The following DENND1A variants were observed in gnomAD, a reference collection of about 807,000 sequenced individuals.
The protein encoded by DENND1A is DENN domain containing 1A.
Under a neutral mutation model 113.7 loss-of-function variants are expected in DENND1A, and 51 were observed. The ratio of observed to expected loss-of-function variants is 0.45; its 90% CI spans 0.36 to 0.57. DENND1A has a LOEUF of 0.57. DENND1A is among the 20% of genes least tolerant of loss of function. The pLI, the probability that DENND1A is intolerant of heterozygous loss-of-function variation, is 0.00. For synonymous variants in DENND1A, 565 were observed against 570.8 expected (o/e 0.99, Z 0.14); for missense variants, 1,258 against 1,395.9 (o/e 0.90, Z 1.57).
At position 123,381,543 on chromosome 9, in the gene DENND1A, G is replaced by T. The variant is rs766859439; in HGVS notation, c.3102C>A (p.Pro1034=). The T allele has an allele frequency of 6.2e-7, 1 of 1,613,790 alleles. No homozygotes were observed. Among genetic ancestry groups the T allele is most frequent in the Non-Finnish European group, 8.5e-7 (1 of 1,179,982 alleles). Residue 1034 remains proline, a synonymous_variant, in exon 24 of 24, where the codon CCC becomes CCA. Coordinates refer to ENST00000394215, the MANE Select transcript of DENND1A (RefSeq NM_001352964.2). This position sits in a 1 kb window ranked among gnomAD's most constrained non-coding sequence, Gnocchi z 4.7. ...QPSAPQQARD[P]FEDLLQKTKQ... ...TGGTTTTCTGTAACAAATCCTCAAAGGGGTCTCTGGCCTGTTGAGGAGCAG... is the reference window on the plus strand; with the variant it reads ...TGGTTTTCTGTAACAAATCCTCAAATGGGTCTCTGGCCTGTTGAGGAGCAG...
chr9:123,631,221 C>T (rs1276882652), intron 9 of DENND1A, among the ~76,000 whole-genome samples: 1 of 152,160 alleles, frequency 6.6e-6, no homozygotes, highest in African/African-American at 2.4e-5. Context: ...GGCCTCCCTG[C>T]CCCTCACCAG....
At chr9:123,383,568 A>T in intron 23 of DENND1A, 87 bp downstream of exon 23, 1 of 1,529,192 alleles carries the variant, frequency 6.5e-7, no homozygotes, top group Non-Finnish European at 8.8e-7. Context: ...TTTCTCCCTT[A>T]GTCTCTTCCA....
chr9:123,623,448 G>A (rs2061049147), intron 10 of DENND1A, among the ~76,000 whole-genome samples: 1 of 152,088 alleles, frequency 6.6e-6, no homozygotes, highest in African/African-American at 2.4e-5. Flanking sequence ...ATTTTTAATG[G>A]TTACATAGTT....
At chr9:123,513,155 C>T (rs1435976928) in intron 13 of DENND1A, among the ~76,000 whole-genome samples, 1 of 152,166 alleles carries the variant, frequency 6.6e-6, no homozygotes, top group Non-Finnish European at 1.5e-5. Context: ...ATGGCCTGAC[C>T]TCTGGGTGGA....
At chr9:123,549,229 G>A (rs533499577) in intron 13 of DENND1A, among the ~76,000 whole-genome samples, 57 of 152,184 alleles carry the variant, frequency 3.7e-4, no homozygotes, top group African/African-American at 1.0e-3. Flanking sequence ...CCTTCCAGGC[G>A]TCATGCAGTT....
At chr9:123,521,686 GA>G (rs2054407086) in intron 13 of DENND1A, among the ~76,000 whole-genome samples, 2 of 152,304 alleles carry the variant, frequency 1.3e-5, no homozygotes, top group Admixed American at 1.3e-4. Flanking sequence ...CTTCCTAGAG[GA>G]AGTGTGGCCC....
chr9:123,418,812 C>A (rs184226792), intron 19 of DENND1A, among the ~76,000 whole-genome samples: 1 of 152,328 alleles, frequency 6.6e-6, no homozygotes, highest in Admixed American at 6.5e-5. Flanking sequence ...TTGCCCAGAG[C>A]AAGTGCGTAA....
At chr9:123,391,252 A>G (rs1227759723) in intron 21 of DENND1A, among the ~76,000 whole-genome samples, 1 of 152,224 alleles carries the variant, frequency 6.6e-6, no homozygotes, top group African/African-American at 2.4e-5. Context: ...TGTCTCCAGA[A>G]TACACCACCT....
intron 17 of DENND1A, 121 bp downstream of exon 17, chr9:123,452,155 C>T (rs1283327247): frequency 1.1e-5 from 10 of 885,638 alleles, no homozygotes; most frequent in East Asian, 5.2e-5. Context: ...GATTGCACCA[C>T]TGCACTCCAG....
rs78308735 is a variant in DENND1A, at chr9:123,874,074, G to A, written c.88+4877C>T. Among the ~76,000 whole-genome samples the A allele has an allele frequency of 1.4e-4, 22 of 152,162 alleles. No homozygotes were observed. In the East Asian group the frequency reaches 3.5e-3, roughly 24 times the overall value. On this transcript the variant is annotated intron_variant, in intron 2 of 23. Coordinates refer to ENST00000394215, the MANE Select transcript of DENND1A (RefSeq NM_001352964.2). Reference sequence around the variant, plus strand: ...CCCTTAAAAGAAAATATTGGGCCTGGAGAGGTGGCTCACATCCATAATCCC... The same window carrying A: ...CCCTTAAAAGAAAATATTGGGCCTGAAGAGGTGGCTCACATCCATAATCCC...
intron 8 of DENND1A, among the ~76,000 whole-genome samples, chr9:123,666,657 GATAGTTGACAAAA>G (rs2063505967): frequency 6.6e-6 from 1 of 152,080 alleles, no homozygotes; most frequent in Middle Eastern, 3.2e-3. Context: ...TGGAATATTA[GATAGTTGACAAAA>G]ATAAGTCATA....
intron 13 of DENND1A, among the ~76,000 whole-genome samples, chr9:123,489,851 G>A (rs1203297255): frequency 6.6e-6 from 1 of 152,204 alleles, no homozygotes; most frequent in Non-Finnish European, 1.5e-5. Context: ...GTTAGTAGCT[G>A]TTGTCAACAC....
At chr9:123,852,897 TTTTC>T (rs1449145694) in intron 2 of DENND1A, among the ~76,000 whole-genome samples, 2 of 151,776 alleles carry the variant, frequency 1.3e-5, no homozygotes, top group African/African-American at 4.8e-5. Context: ...TTTAAATTGT[TTTTC>T]TTTCTTTTTT....
chr9:123,395,185 G>C (rs181276172), intron 21 of DENND1A, among the ~76,000 whole-genome samples: 77 of 152,298 alleles, frequency 5.1e-4, no homozygotes, highest in African/African-American at 1.5e-3. Flanking sequence ...ATGTCTTGAG[G>C]ATGAGGCCCC....
intron 18 of DENND1A, among the ~76,000 whole-genome samples, chr9:123,441,079 G>A (rs912803472): frequency 2.6e-5 from 4 of 151,644 alleles, no homozygotes; most frequent in African/African-American, 9.7e-5. Flanking sequence ...CTCTTTTTAT[G>A]GAAATCCCCA....
intron 13 of DENND1A, among the ~76,000 whole-genome samples, chr9:123,463,835 G>A (rs1179898578): frequency 6.7e-6 from 1 of 149,544 alleles, no homozygotes; most frequent in Non-Finnish European, 1.5e-5. Flanking sequence ...CTTGAACTCG[G>A]GAGGCAGAGG....
At chr9:123,892,244 G>A (rs894939384) in intron 1 of DENND1A, among the ~76,000 whole-genome samples, 3 of 152,180 alleles carry the variant, frequency 2.0e-5, no homozygotes, top group African/African-American at 4.8e-5. Context: ...CCCCCCAGCC[G>A]AAGTGGAAAA....
chr9:123,926,114 A>C (rs1167603750), intron 1 of DENND1A, among the ~76,000 whole-genome samples: 1 of 152,204 alleles, frequency 6.6e-6, no homozygotes, highest in African/African-American at 2.4e-5. Context: ...ATACCTGTTG[A>C]AGATTGTCAG....
chr9:123,560,911 T>A lies in DENND1A; in HGVS notation c.868-3216A>T, dbSNP rs760812010. 2.9e-4 allele frequency among the ~76,000 whole-genome samples: 44 copies of A among 152,206 alleles called. 1 individual carries two copies. Among genetic ancestry groups the A allele is most frequent in the South Asian group, 8.3e-4 (4 of 4,820 alleles). ...AGTGATGAGAGCCCCTGAGGAGCAA[T>A]GCAGGCCACTCAGCACCCAGGCTGA... On this transcript the variant is annotated intron_variant, in intron 12 of 23. Transcript: ENST00000394215.
Sources: gnomAD v4.1 joint callset for allele counts (sites outside exome capture counted in the v4.1 genomes callset) on GRCh38, gnomAD v4.1.1 for gene constraint, Gnocchi (gnomAD v3.1) non-coding constraint, MANE v1.5 for transcripts, NCBI Gene and HGNC (gene_info 2026-07-23, HGNC 2026-07-21) for gene names.